SEMA3B: variants seen among roughly 807,000 people sequenced by gnomAD.
SEMA3B encodes semaphorin-3B.
In SEMA3B, 71 loss-of-function variants were observed where a neutral mutation model predicts 77.8. The ratio of observed to expected loss-of-function variants is 0.91; its 90% CI spans 0.75 to 1.11. The LOEUF (loss-of-function observed/expected upper bound fraction) is 1.11, where lower values mean the gene tolerates loss of function less well. SEMA3B is among the 50% of genes most tolerant of loss of function. The pLI, the probability that SEMA3B is intolerant of heterozygous loss-of-function variation, is 0.00. For synonymous variants in SEMA3B, 470 were observed against 452.9 expected, an observed-to-expected ratio of 1.04 and a Z score of -0.48; for missense variants, 968 against 1,056.8, an observed-to-expected ratio of 0.92 and a Z score of 1.17.
At position 50,276,553 on chromosome 3, in the gene SEMA3B, C is replaced by A. The variant is rs1701256108; in HGVS notation, c.2097C>A (p.Gly699=). Residue 699 remains glycine (G), a synonymous_variant, in exon 17 of 17, where the codon GGC becomes GGA. Transcript: ENST00000616701. This position sits in a 1 kb window ranked among gnomAD's most constrained non-coding sequence, Gnocchi z 5.8. ...ACTTTCTGCAGCTGGTGGAGCCGGGCGGAGGTGGCAGCGCGAACTCCCTGC... is the reference window on the plus strand; with the variant it reads ...ACTTTCTGCAGCTGGTGGAGCCGGGAGGAGGTGGCAGCGCGAACTCCCTGC... ...YRDFLQLVEP[G]GGGSANSLRM... The A allele has an allele frequency of 6.5e-7, 1 of 1,538,170 alleles. No homozygotes were observed. The highest frequency in any genetic ancestry group is 1.4e-5 in the African/African-American group (1 of 72,772).
Position 50,276,598 on chromosome 3 carries a change from T to C in SEMA3B, c.2142T>C (p.Pro714=). The part of the protein sequence containing the change: ...ANSLRMCRPQ[P]ALQSLPLESR... ...CCCTGCGCATGTGCCGCCCGCAGCC[T>C]GCGCTGCAGTCACTGCCCCTGGAGT... Residue 714 remains proline, a synonymous_variant, in exon 17 of 17, where the codon CCT becomes CCC. Coordinates refer to ENST00000616701, the MANE Select transcript of SEMA3B (RefSeq NM_001290060.2). The surrounding 1 kb of genome is among the most constrained non-coding windows in gnomAD (Gnocchi z 5.8). 1.3e-6 allele frequency: 2 copies of C among 1,577,458 alleles called. No individual in the cohort carries two copies. Among genetic ancestry groups the C allele is most frequent in the East Asian group, 4.7e-5 (2 of 42,894 alleles).
rs1701255649 is a variant in SEMA3B at position 50,276,549 on chromosome 3, C to G, written c.2093C>G (p.Pro698Arg). The G allele has an allele frequency of 2.0e-6, 3 of 1,537,104 alleles. No homozygotes were observed. The South Asian group carries it at 3.6e-5, about 18-fold the overall frequency. ...CGGGACTTTCTGCAGCTGGTGGAGC[C>G]GGGCGGAGGTGGCAGCGCGAACTCC... ...WYRDFLQLVE[P>R]GGGGSANSLR... is the part of the protein sequence containing the mutation. The change falls in exon 17 of 17, where the codon CCG becomes CGG. Residue 698 changes from proline (P) to arginine (R), a missense_variant. By Grantham distance (103) the Pro-to-Arg change is moderately radical. Transcript: ENST00000616701. The surrounding 1 kb of genome is among the most constrained non-coding windows in gnomAD (Gnocchi z 5.8).
rs782389964 is a variant in SEMA3B at position 50,273,350 on chromosome 3, C to T, written c.717C>T (p.Asp239=). Reference sequence around the variant, plus strand: ...TCCCGGAGAGCGAGAACCCAGACGACGACAAAATCTACTTCTTCTTTCGTG... The same window carrying T: ...TCCCGGAGAGCGAGAACCCAGACGATGACAAAATCTACTTCTTCTTTCGTG... The part of the protein sequence containing the change: ...FWIPESENPD[D]DKIYFFFRET... The change falls in exon 7 of 17, where the codon GAC becomes GAT. Residue 239 remains aspartate, a synonymous_variant. Coordinates refer to ENST00000616701, the MANE Select transcript of SEMA3B (RefSeq NM_001290060.2). This position sits in a 1 kb window ranked among gnomAD's most constrained non-coding sequence, Gnocchi z 6.5. The T allele has an allele frequency of 2.5e-6, 4 of 1,613,890 alleles. No homozygotes were observed. The highest frequency in any genetic ancestry group is 2.7e-5 in the African/African-American group (2 of 74,938).
upstream of SEMA3B, chr3:50,269,035 C>T (rs1281723952): frequency 1.2e-5 from 7 of 588,746 alleles, no homozygotes; most frequent in South Asian, 2.0e-5. This position sits in a 1 kb window ranked among gnomAD's most constrained non-coding sequence, Gnocchi z 4.0. Context: ...GGGGCACCCT[C>T]GGAGGGGAGG....
chr3:50,262,338 A>G, the SEMA3B span: 1 of 152,208 alleles, frequency 6.6e-6, no homozygotes, highest in Non-Finnish European at 1.5e-5. Flanking sequence ...GTAGTGGCTC[A>G]TGCCTTAATC....
upstream of SEMA3B, among the ~76,000 whole-genome samples, chr3:50,264,416 T>A (rs919348161): frequency 2.0e-5 from 3 of 152,288 alleles, no homozygotes; most frequent in Middle Eastern, 3.4e-3. Flanking sequence ...ACCCCCACTG[T>A]GTGCCAGACC....
rs932998744 is a variant in SEMA3B at position 50,271,231 on chromosome 3, C to A, written c.544+50C>A. 4.5e-6 allele frequency: 7 copies of A among 1,548,676 alleles called. No homozygotes were observed. In the Admixed American group the frequency reaches 5.9e-5, roughly 13 times the overall value. ...AGAGAACCCCTTAGAAACTCTAGAA[C>A]CTCACAAAGTCCCAAGACCCCCAAG... On this transcript the variant is annotated intron_variant, in intron 5 of 16. Coordinates refer to ENST00000616701, the MANE Select transcript of SEMA3B (RefSeq NM_001290060.2).
In SEMA3B at chr3:50,274,537, G is replaced by T. The variant is rs1701162039; in HGVS notation, c.1312G>T (p.Val438Phe). 1 of 1,566,450 alleles carries T rather than the reference G, an allele frequency of 6.4e-7. No individual in the cohort carries two copies. The highest frequency in any genetic ancestry group is 1.4e-5 in the African/African-American group (1 of 73,188). The change falls in exon 11 of 17, where the codon GTT becomes TTT. Residue 438 changes from valine (V) to phenylalanine (F), a missense_variant. By Grantham distance (50) the Val-to-Phe change is conservative. Coordinates refer to ENST00000616701, the MANE Select transcript of SEMA3B (RefSeq NM_001290060.2). The surrounding 1 kb of genome is among the most constrained non-coding windows in gnomAD (Gnocchi z 4.7). Reference protein sequence around the residue: ...YTFTQIAADRVAAADGHYDVL... With the variant: ...YTFTQIAADRFAAADGHYDVL... ...CTTCACTCAAATTGCCGCGGACCGG[G>T]TTGCAGCCGCTGACGGACACTATGA...
At chr3:50,264,259 G>C (rs1365541017), upstream of SEMA3B, among the ~76,000 whole-genome samples, 1 of 152,120 alleles carries the variant, frequency 6.6e-6, no homozygotes, top group Non-Finnish European at 1.5e-5. Context: ...ACAGCAAAAG[G>C]GGACAAGAGA....
chr3:50,271,430 G>A lies in SEMA3B; in HGVS notation c.614G>A (p.Gly205Glu), dbSNP rs782096097. The A allele has an allele frequency of 1.3e-6, 2 of 1,587,052 alleles. No homozygotes were observed. The highest frequency in any genetic ancestry group is 1.7e-6 in the Non-Finnish European group (2 of 1,166,760). ...GACTTTACCATCTTTCGCAGCCTAG[G>A]GCAACGTCCAAGTCTCCGAACAGAG... ...GRDFTIFRSLGQRPSLRTEPH... is the reference protein window; with the variant it reads ...GRDFTIFRSLEQRPSLRTEPH... Residue 205 changes from glycine to glutamate, a missense_variant, in exon 6 of 17, where the codon GGG becomes GAG. Gly to Glu is a moderately conservative substitution (Grantham distance 98). Coordinates refer to ENST00000616701, the MANE Select transcript of SEMA3B (RefSeq NM_001290060.2).
chr3:50,270,826 T>C lies in SEMA3B; in HGVS notation c.331-64T>C. 1 of 1,547,948 alleles carries C rather than the reference T, an allele frequency of 6.5e-7. No individual in the cohort carries two copies. Among genetic ancestry groups the C allele is most frequent in the Non-Finnish European group, 8.7e-7 (1 of 1,144,060 alleles). ...AGAGAGGGAGGGGTGAGGATGCCAC[T>C]GGTGAGCTGGGACCTCTTAAGGCTA... On this transcript the variant is annotated intron_variant, in intron 3 of 16. Coordinates refer to ENST00000616701, the MANE Select transcript of SEMA3B (RefSeq NM_001290060.2). This position sits in a 1 kb window ranked among gnomAD's most constrained non-coding sequence, Gnocchi z 4.7.
In SEMA3B at chr3:50,270,971, C is replaced by T. The variant is rs1553705239; in HGVS notation, c.412C>T (p.Pro138Ser). 6.2e-7 allele frequency: 1 copy of T among 1,610,336 alleles called. No homozygotes were observed. Among genetic ancestry groups the T allele is most frequent in the South Asian group, 1.1e-5 (1 of 90,174 alleles). ...LLACGTGAFH[P>S]TCAFVEVGHR... is the part of the protein sequence containing the mutation. ...GGCCTGTGGCACGGGAGCCTTCCAC[C>T]CAACCTGTGCCTTTGTGGAAGTGGG... Residue 138 changes from proline (P) to serine (S), a missense_variant, in exon 4 of 17, where the codon CCA becomes TCA. Pro to Ser is a moderately conservative substitution (Grantham distance 74). Coordinates refer to ENST00000616701, the MANE Select transcript of SEMA3B (RefSeq NM_001290060.2). The surrounding 1 kb of genome is among the most constrained non-coding windows in gnomAD (Gnocchi z 4.7).
In SEMA3B at chr3:50,276,634, G is replaced by T; in HGVS notation, c.2178G>T (p.Lys726Asn). ...LQSLPLESRR[K>N]GRNRRTHAPE... ...CACTGCCCCTGGAGTCGCGGAGAAA[G>T]GGCCGTAACCGGAGGACCCACGCCC... is the stretch of plus-strand genomic sequence containing the variant. Residue 726 changes from lysine to asparagine, a missense_variant, in exon 17 of 17, where the codon AAG (lysine) becomes AAT (asparagine). Lys to Asn is a moderately conservative substitution (Grantham distance 94, BLOSUM62 0). Coordinates refer to ENST00000616701, the MANE Select transcript of SEMA3B (RefSeq NM_001290060.2). This position sits in a 1 kb window ranked among gnomAD's most constrained non-coding sequence, Gnocchi z 5.8. The T allele has an allele frequency of 1.3e-6, 2 of 1,594,964 alleles. No individual in the cohort carries two copies. Among genetic ancestry groups the T allele is most frequent in the South Asian group, 1.1e-5 (1 of 89,166 alleles).
chr3:50,271,906 A>G (rs1553705453), intron 6 of SEMA3B, among the ~76,000 whole-genome samples: 1 of 152,180 alleles, frequency 6.6e-6, no homozygotes, highest in African/African-American at 2.4e-5. Flanking sequence ...GGATGCAAGA[A>G]CAAGCAAAGG....
chr3:50,274,418 T>G lies in SEMA3B; in HGVS notation c.1193T>G (p.Val398Gly). Residue 398 changes from valine (V) to glycine (G), a missense_variant, in exon 11 of 17, where the codon GTC becomes GGC. Physicochemically the swap from Val to Gly is moderately radical, Grantham distance 109. Coordinates refer to ENST00000616701, the MANE Select transcript of SEMA3B (RefSeq NM_001290060.2). The surrounding 1 kb of genome is among the most constrained non-coding windows in gnomAD (Gnocchi z 4.7). ...FSSTKDFPDDVIQFARNHPLM... is the reference protein window; with the variant it reads ...FSSTKDFPDDGIQFARNHPLM... ...TCCACCAAGGACTTCCCAGACGATG[T>G]CATCCAGTTTGCGCGGAACCACCCC... The G allele has an allele frequency of 6.6e-7, 1 of 1,513,536 alleles. No homozygotes were observed. Among genetic ancestry groups the G allele is most frequent in the East Asian group, 2.4e-5 (1 of 42,174 alleles). The allele number at this position is 1,513,536 out of a possible 1,614,324, so 93.8% of individuals were successfully genotyped here. A position where few individuals can be genotyped will look rare whatever the true frequency, so the allele number is the denominator to read the frequency against.
chr3:50,276,012 C>T lies in SEMA3B; in HGVS notation c.1845+168C>T. 1 of 995,622 alleles carries T rather than the reference C, an allele frequency of 1.0e-6. No homozygotes were observed. The highest frequency in any genetic ancestry group is 1.4e-6 in the Non-Finnish European group (1 of 702,346). 61.7% of individuals were successfully genotyped at this position (995,622 alleles called of 1,614,324 possible). A position where few individuals can be genotyped will look rare whatever the true frequency, so the allele number is the denominator to read the frequency against. On this transcript the variant is annotated intron_variant, in intron 16 of 16. Transcript: ENST00000616701. This position sits in a 1 kb window ranked among gnomAD's most constrained non-coding sequence, Gnocchi z 5.8. ...GCTGCTGAGGCCCCATTGCGTCCAACGGGGCTCCCGACCCGCCTCCCCTGA... is the reference window on the plus strand; with the variant it reads ...GCTGCTGAGGCCCCATTGCGTCCAATGGGGCTCCCGACCCGCCTCCCCTGA...
At position 50,269,634 on chromosome 3, in the gene SEMA3B, C is replaced by T. The variant is rs1252641273; in HGVS notation, c.109+285C>T. 2.6e-5 allele frequency among the ~76,000 whole-genome samples: 4 copies of T among 152,222 alleles called. No individual in the cohort carries two copies. The highest frequency in any genetic ancestry group is 5.9e-5 in the Non-Finnish European group (4 of 68,048). ...TCAGTACCCCCAACAAGGCGATACTCCTTCAGCAGAGCAACAGGGAAGTCA... is the reference window on the plus strand; with the variant it reads ...TCAGTACCCCCAACAAGGCGATACTTCTTCAGCAGAGCAACAGGGAAGTCA... On this transcript the variant is annotated intron_variant, in intron 1 of 16. Transcript: ENST00000616701. This position sits in a 1 kb window ranked among gnomAD's most constrained non-coding sequence, Gnocchi z 4.0.
At chr3:50,263,265 CAGG>C (rs10570624), upstream of SEMA3B, 151,915 of 151,916 alleles carry the variant, frequency 1, 75,957 homozygotes, top group Non-Finnish European at 1. Flanking sequence ...GAGGCTGAGG[CAGG>C]AGGAGGATAA....
upstream of SEMA3B, among the ~76,000 whole-genome samples, chr3:50,262,769 G>A (rs1215170987): frequency 3.3e-5 from 5 of 152,170 alleles, no homozygotes; most frequent in African/African-American, 1.2e-4. Flanking sequence ...CTGAGGTCAG[G>A]GTCATCAAGG....
Sources: gnomAD v4.1 joint callset for allele counts (sites outside exome capture counted in the v4.1 genomes callset) on GRCh38, gnomAD v4.1.1 for gene constraint, Gnocchi (gnomAD v3.1) non-coding constraint, MANE v1.5 for transcripts, NCBI Gene and HGNC (gene_info 2026-07-23, HGNC 2026-07-21) for gene names.